Variants in MIB1 observed in about 807,000 individuals in gnomAD.
The protein encoded by MIB1 is MIB E3 ubiquitin protein ligase 1, also known as E3 ubiquitin-protein ligase MIB1.
A neutral mutation model predicts 124.5 loss-of-function variants in MIB1; 278 were observed. The ratio of observed to expected loss-of-function variants is 2.23; its 90% confidence interval spans 2.02 to 2.47. The LOEUF (loss-of-function observed/expected upper bound fraction) is 2.47. MIB1 is among the 30% of genes most tolerant of loss of function. MIB1 has a pLI of 0.00. For missense variants in MIB1, 957 were observed against 1,254.4 expected, an observed-to-expected ratio of 0.76 and a Z score of 3.58; for synonymous variants, 446 against 429.4, an observed-to-expected ratio of 1.04 and a Z score of -0.48.
intron 1 of MIB1, among the ~76,000 whole-genome samples, chr18:21,709,692 A>G (rs1021062453): frequency 6.6e-6 from 1 of 152,182 alleles, no homozygotes; most frequent in African/African-American, 2.4e-5. Context: ...AAAGTCCCCA[A>G]ACACAGATGA....
At chr18:21,720,619 CAG>C (rs1166442585) in intron 1 of MIB1, among the ~76,000 whole-genome samples, 2 of 151,860 alleles carry the variant, frequency 1.3e-5, no homozygotes, top group African/African-American at 2.4e-5. Context: ...CTGAGACAAT[CAG>C]AGAAATGTGA....
At chr18:21,809,515 T>G (rs1374893749) in intron 10 of MIB1, among the ~76,000 whole-genome samples, 1 of 151,982 alleles carries the variant, frequency 6.6e-6, no homozygotes, top group African/African-American at 2.4e-5. Context: ...CAAATATTAG[T>G]GAGCTACATT....
At chr18:21,713,264 C>G (rs1369170748) in intron 1 of MIB1, among the ~76,000 whole-genome samples, 2 of 95,960 alleles carry the variant, frequency 2.1e-5, no homozygotes, top group South Asian at 6.4e-4. Context: ...CCACCAAGCC[C>G]ATCTGGAATA....
intron 14 of MIB1, 144 bp downstream of exon 14, chr18:21,843,361 A>G (rs1460933665): frequency 1.9e-6 from 1 of 539,258 alleles, no homozygotes; most frequent in Non-Finnish European, 3.1e-6. Flanking sequence ...TCTAAATACA[A>G]TGTGATCTGC....
rs2042116876 is a variant in MIB1, at chr18:21,844,271, T to C, written c.2211+18T>C. On this transcript the variant is annotated intron_variant, in intron 15 of 20. Coordinates refer to ENST00000261537, the MANE Select transcript of MIB1 (RefSeq NM_020774.4). ...AAAACACGGTGAGTAAAGATCATCT[T>C]TCATTCAGTACCAGTGGAAGAATCT... 1 of 1,612,390 alleles carries C rather than the reference T, an allele frequency of 6.2e-7. No homozygotes were observed. Among genetic ancestry groups the C allele is most frequent in the Non-Finnish European group, 8.5e-7 (1 of 1,178,806 alleles).
chr18:21,816,070 A>G (rs1568213451), intron 11 of MIB1, among the ~76,000 whole-genome samples: 1 of 152,184 alleles, frequency 6.6e-6, no homozygotes, highest in East Asian at 1.9e-4. Context: ...CAGCTTATGA[A>G]TGGATTTAAC....
At chr18:21,844,990 G>C (rs1251871935) in intron 15 of MIB1, among the ~76,000 whole-genome samples, 1 of 151,480 alleles carries the variant, frequency 6.6e-6, no homozygotes, top group African/African-American at 2.4e-5. Flanking sequence ...TTTTCTCCCA[G>C]TTGGTAGGAG....
At chr18:21,849,050 A>T (rs1005748042) in intron 16 of MIB1, 146 bp from the exon 17 acceptor site, 2 of 501,464 alleles carry the variant, frequency 4.0e-6, no homozygotes, top group Non-Finnish European at 6.9e-6. Flanking sequence ...CAAAAATTTA[A>T]TGTTTCACAT....
chr18:21,849,694 G>A (rs926366592), intron 17 of MIB1, among the ~76,000 whole-genome samples: 1 of 151,936 alleles, frequency 6.6e-6, no homozygotes, highest in African/African-American at 2.4e-5. Flanking sequence ...CTAAAGTATG[G>A]TAAAGTTAAA....
chr18:21,842,915 T>G (rs2042103911), intron 13 of MIB1, among the ~76,000 whole-genome samples: 1 of 152,216 alleles, frequency 6.6e-6, no homozygotes, highest in African/African-American at 2.4e-5. Context: ...AAAATGATTT[T>G]TAAAACTTGC....
chr18:21,855,699 C>G (rs1280391721), intron 18 of MIB1, among the ~76,000 whole-genome samples: 1 of 152,126 alleles, frequency 6.6e-6, no homozygotes, highest in African/African-American at 2.4e-5. Flanking sequence ...GAGTGTAGGC[C>G]CTACTTTGTC....
At chr18:21,765,684 G>C in intron 1 of MIB1, 88 bp from the exon 2 acceptor site, 1 of 1,265,060 alleles carries the variant, frequency 7.9e-7, no homozygotes, top group Non-Finnish European at 1.1e-6. Context: ...CTTGTAAAAT[G>C]TTCTGTTCTT....
chr18:21,782,459 C>T (rs1246369228), intron 6 of MIB1, among the ~76,000 whole-genome samples: 1 of 152,044 alleles, frequency 6.6e-6, no homozygotes, highest in Non-Finnish European at 1.5e-5. Flanking sequence ...CTATAGATAT[C>T]CCTCTTACTA....
chr18:21,848,512 T>C lies in MIB1; in HGVS notation c.2394-684T>C, dbSNP rs2042154297. Reference sequence around the variant, plus strand: ...ACTATAATTATTGCAGTAATAACTTTTAAACAATGGAGTCTAAGGTGGACC... The same window carrying C: ...ACTATAATTATTGCAGTAATAACTTCTAAACAATGGAGTCTAAGGTGGACC... On this transcript the variant is annotated intron_variant, in intron 16 of 20. Transcript: ENST00000261537. Among the ~76,000 whole-genome samples the C allele has an allele frequency of 2.0e-5, 3 of 152,154 alleles. No homozygotes were observed. The South Asian group carries it at 6.2e-4, about 31-fold the overall frequency.
At chr18:21,856,327 T>A (rs142290651) in intron 18 of MIB1, among the ~76,000 whole-genome samples, 1 of 151,598 alleles carries the variant, frequency 6.6e-6, no homozygotes, top group South Asian at 2.1e-4. Context: ...CTTATTGGAA[T>A]AGGAATGCAT....
intron 1 of MIB1, among the ~76,000 whole-genome samples, chr18:21,712,490 A>T (rs895741022): frequency 6.6e-6 from 1 of 152,226 alleles, no homozygotes; most frequent in African/African-American, 2.4e-5. Context: ...GCCTTGAGGA[A>T]GCAGCCATGT....
At chr18:21,708,310 G>A (rs2040649599) in intron 1 of MIB1, among the ~76,000 whole-genome samples, 3 of 152,140 alleles carry the variant, frequency 2.0e-5, no homozygotes. Context: ...TGAGATGGAG[G>A]TTGTCCAAGT....
chr18:21,841,790 A>T (rs2042091749), intron 13 of MIB1, among the ~76,000 whole-genome samples: 1 of 152,218 alleles, frequency 6.6e-6, no homozygotes, highest in Non-Finnish European at 1.5e-5. Context: ...AGCAGCTATT[A>T]TTAGCCCCAT....
chr18:21,728,351 G>A (rs1229150903), intron 1 of MIB1, among the ~76,000 whole-genome samples: 1 of 152,048 alleles, frequency 6.6e-6, no homozygotes, highest in Non-Finnish European at 1.5e-5. Flanking sequence ...AAATTAGCCG[G>A]GCATGGTTGT....
Sources: gnomAD v4.1 joint callset for allele counts (sites outside exome capture counted in the v4.1 genomes callset) on GRCh38, gnomAD v4.1.1 for gene constraint, MANE v1.5 for transcripts, NCBI Gene and HGNC (gene_info 2026-07-23, HGNC 2026-07-21) for gene names.